Variants in PTPRD observed in about 807,000 individuals in gnomAD.
The protein encoded by PTPRD is receptor-type tyrosine-protein phosphatase delta.
In PTPRD, 34 loss-of-function variants were observed where a neutral mutation model predicts 214.5. The ratio of observed to expected loss-of-function variants is 0.16; its 90% confidence interval spans 0.12 to 0.21. The LOEUF is 0.21. PTPRD is among the 10% of genes least tolerant of loss of function. The pLI, the probability that PTPRD is intolerant of heterozygous loss-of-function variation, is 1.00. For synonymous variants in PTPRD, 1,128 were observed against 845.7 expected (o/e 1.33, Z -5.79); for missense variants, 2,545 against 2,398.7 (o/e 1.06, Z -1.27).
intron 3 of PTPRD, among the ~76,000 whole-genome samples, chr9:10,139,137 A>G (rs1457106277): frequency 6.6e-6 from 1 of 152,150 alleles, no homozygotes; most frequent in Non-Finnish European, 1.5e-5. Context: ...CTATACCTGG[A>G]AAACCAGGAA....
chr9:10,060,295 G>A (rs1201468824), intron 3 of PTPRD, among the ~76,000 whole-genome samples: 1 of 151,996 alleles, frequency 6.6e-6, no homozygotes, highest in Non-Finnish European at 1.5e-5. Context: ...GAAAGAGAGG[G>A]AAAGAAAAGA....
At chr9:9,860,522 G>A (rs1178008106) in intron 5 of PTPRD, among the ~76,000 whole-genome samples, 2 of 152,124 alleles carry the variant, frequency 1.3e-5, no homozygotes. Context: ...GATCTTTCTG[G>A]ATAGTTGTTG....
intron 14 of PTPRD, among the ~76,000 whole-genome samples, chr9:8,606,576 C>G (rs962349438): frequency 3.3e-5 from 5 of 152,102 alleles, no homozygotes; most frequent in Admixed American, 1.3e-4. Flanking sequence ...GAAACCAACC[C>G]CAGATGCTAT....
chr9:10,533,882 T>C (rs899225695), intron 2 of PTPRD, among the ~76,000 whole-genome samples: 5 of 151,866 alleles, frequency 3.3e-5, no homozygotes, highest in Admixed American at 1.3e-4. Flanking sequence ...TCAGAGCATA[T>C]AACTAGTTTC....
At chr9:9,307,783 G>C (rs926880121) in intron 9 of PTPRD, among the ~76,000 whole-genome samples, 15 of 152,128 alleles carry the variant, frequency 9.9e-5, no homozygotes, top group African/African-American at 3.6e-4. Context: ...AAAAATTTAT[G>C]ATCTATCATT....
intron 2 of PTPRD, among the ~76,000 whole-genome samples, chr9:10,503,053 T>C (rs898788775): frequency 1.3e-5 from 2 of 151,950 alleles, no homozygotes; most frequent in Admixed American, 1.3e-4. Context: ...GAATGTCAAT[T>C]TTCTTTTTGA....
chr9:8,503,405 G>C (rs1441914651), intron 23 of PTPRD, among the ~76,000 whole-genome samples: 1 of 151,974 alleles, frequency 6.6e-6, no homozygotes, highest in Non-Finnish European at 1.5e-5. Flanking sequence ...AGAAATCTAA[G>C]AAAATAACTC....
intron 14 of PTPRD, among the ~76,000 whole-genome samples, chr9:8,553,769 C>T (rs1330040211): frequency 1.3e-5 from 2 of 152,132 alleles, no homozygotes; most frequent in East Asian, 3.9e-4. Context: ...CCTATATAAC[C>T]CTATTTTAAT....
intron 11 of PTPRD, among the ~76,000 whole-genome samples, chr9:8,897,880 A>G (rs144867770): frequency 1.3e-5 from 2 of 152,302 alleles, no homozygotes; most frequent in Non-Finnish European, 2.9e-5. Context: ...AGGATTAGTA[A>G]CACCCCATCT....
At chr9:9,317,703 A>G (rs1011337240) in intron 9 of PTPRD, among the ~76,000 whole-genome samples, 2 of 151,964 alleles carry the variant, frequency 1.3e-5, no homozygotes, top group Non-Finnish European at 2.9e-5. Flanking sequence ...TCCTTTAATA[A>G]TTTTTCTATG....
chr9:8,474,963 C>T (rs1039691452), intron 30 of PTPRD, among the ~76,000 whole-genome samples: 5 of 152,202 alleles, frequency 3.3e-5, no homozygotes, highest in Non-Finnish European at 7.3e-5. Flanking sequence ...CTCAACTTCT[C>T]CTTCCCCATT....
intron 8 of PTPRD, among the ~76,000 whole-genome samples, chr9:9,502,488 T>A (rs2096451853): frequency 6.6e-6 from 1 of 151,930 alleles, no homozygotes; most frequent in South Asian, 2.1e-4. Context: ...GTATATGTAT[T>A]TCTGTTTTGA....
At chr9:9,163,528 G>A (rs151173294) in intron 10 of PTPRD, among the ~76,000 whole-genome samples, 1 of 151,382 alleles carries the variant, frequency 6.6e-6, no homozygotes, top group Non-Finnish European at 1.5e-5. Context: ...CCAATACTAT[G>A]TATTTTTTCT....
intron 2 of PTPRD, among the ~76,000 whole-genome samples, chr9:10,528,341 G>C (rs2054982791): frequency 6.6e-6 from 1 of 152,082 alleles, no homozygotes; most frequent in Non-Finnish European, 1.5e-5. Flanking sequence ...TTCCACATCT[G>C]CTAATCTACC....
intron 35 of PTPRD, among the ~76,000 whole-genome samples, chr9:8,431,564 A>T (rs532940513): frequency 3.3e-5 from 5 of 152,304 alleles, no homozygotes; most frequent in African/African-American, 1.2e-4. Context: ...ATGCCTACTG[A>T]TTAAATTTTA....
intron 2 of PTPRD, among the ~76,000 whole-genome samples, chr9:10,609,966 A>C (rs952013222): frequency 6.6e-6 from 1 of 152,122 alleles, no homozygotes; most frequent in African/African-American, 2.4e-5. Flanking sequence ...TATTAGAAAG[A>C]ACCCCTTTAG....
At chr9:10,393,986 G>A (rs2098120953) in intron 2 of PTPRD, among the ~76,000 whole-genome samples, 1 of 147,338 alleles carries the variant, frequency 6.8e-6, no homozygotes, top group Non-Finnish European at 1.5e-5. Flanking sequence ...ACCAGATGTA[G>A]TTCCAGGCCT....
intron 39 of PTPRD, among the ~76,000 whole-genome samples, chr9:8,370,954 C>T (rs1023114837): frequency 1.3e-5 from 2 of 152,020 alleles, no homozygotes; most frequent in African/African-American, 4.8e-5. Flanking sequence ...CCACGGGAAG[C>T]GAAAAGCAGT....
chr9:10,378,774 G>T (rs2097772077), intron 2 of PTPRD, among the ~76,000 whole-genome samples: 1 of 151,956 alleles, frequency 6.6e-6, no homozygotes, highest in African/African-American at 2.4e-5. Flanking sequence ...TGTACCTTTT[G>T]CATAGAATAG....
Sources: allele counts gnomAD v4.1 joint callset (sites outside exome capture counted in the v4.1 genomes callset), GRCh38; gene constraint gnomAD v4.1.1; transcripts MANE v1.5; gene names NCBI Gene and HGNC (gene_info 2026-07-23, HGNC 2026-07-21).